RALGPS2: variants seen among roughly 807,000 people sequenced by gnomAD.
The protein encoded by RALGPS2 is ras-specific guanine nucleotide-releasing factor RalGPS2.
RALGPS2 carries 43 observed loss-of-function variants against 86.8 expected under a neutral mutation model. The ratio of observed to expected loss-of-function variants is 0.50; its 90% CI spans 0.39 to 0.64. The LOEUF is 0.64. Among genes scored for constraint, RALGPS2 ranks in the 30% least tolerant of loss-of-function variants. The pLI, the probability that RALGPS2 is intolerant of heterozygous loss-of-function variation, is 0.00. For synonymous variants in RALGPS2, 243 were observed against 231.3 expected (o/e 1.05, Z -0.46); for missense variants, 536 against 694.6 (o/e 0.77, Z 2.57).
At chr1:178,878,299 T>TA (rs1196726357) in intron 9 of RALGPS2, among the ~76,000 whole-genome samples, 1 of 152,158 alleles carries the variant, frequency 6.6e-6, no homozygotes, top group African/African-American at 2.4e-5. Flanking sequence ...TTTTATGGGT[T>TA]AAAAAACTGA....
chr1:178,879,966 G>A (rs1659171101), intron 10 of RALGPS2, among the ~76,000 whole-genome samples: 1 of 151,700 alleles, frequency 6.6e-6, no homozygotes, highest in South Asian at 2.1e-4. Flanking sequence ...TTTTTTTAAG[G>A]TAGGAGGATA....
intron 2 of RALGPS2, among the ~76,000 whole-genome samples, chr1:178,780,332 C>T (rs969568461): frequency 6.6e-6 from 1 of 152,102 alleles, no homozygotes; most frequent in South Asian, 2.1e-4. Flanking sequence ...TACTGTACTA[C>T]CATGTTAGTT....
At chr1:178,807,826 A>C (rs527717794) in intron 4 of RALGPS2, among the ~76,000 whole-genome samples, 1 of 152,296 alleles carries the variant, frequency 6.6e-6, no homozygotes, top group East Asian at 1.9e-4. Context: ...TGTGGAATGT[A>C]AATTTGCCTA....
chr1:178,901,159 C>G (rs747523265), intron 17 of RALGPS2, among the ~76,000 whole-genome samples: 4 of 151,844 alleles, frequency 2.6e-5, no homozygotes, highest in Non-Finnish European at 4.4e-5. Context: ...ATCATACATA[C>G]AAAAGAAGAT....
intron 8 of RALGPS2, among the ~76,000 whole-genome samples, chr1:178,858,731 G>A (rs892448325): frequency 1.3e-5 from 2 of 152,066 alleles, no homozygotes; most frequent in African/African-American, 4.8e-5. Flanking sequence ...TTCCCAAGGT[G>A]TATTTATTAA....
chr1:178,810,380 C>G (rs546496227), intron 5 of RALGPS2, among the ~76,000 whole-genome samples: 12 of 152,250 alleles, frequency 7.9e-5, no homozygotes, highest in African/African-American at 2.9e-4. Flanking sequence ...GAACAAGACT[C>G]TGTCTCCAAA....
At chr1:178,746,682 A>G (rs1651347775) in intron 1 of RALGPS2, 1 of 772,856 alleles carries the variant, frequency 1.3e-6, no homozygotes. Flanking sequence ...AGTCATGAAT[A>G]TTAGGTATCT....
intron 1 of RALGPS2, among the ~76,000 whole-genome samples, chr1:178,751,244 G>T (rs952028809): frequency 6.6e-6 from 1 of 151,646 alleles, no homozygotes; most frequent in South Asian, 2.1e-4. Context: ...GCATTTCCTC[G>T]TGCCAGGATT....
At chr1:178,867,760 C>T (rs1047081614) in intron 8 of RALGPS2, among the ~76,000 whole-genome samples, 1 of 151,624 alleles carries the variant, frequency 6.6e-6, no homozygotes, top group Admixed American at 6.6e-5. Flanking sequence ...AATTTCTTTC[C>T]TTCTGTATGT....
In RALGPS2 at chr1:178,897,811, T is replaced by C. The variant is rs1660013410; in HGVS notation, c.1524+55T>C. ...TGGTTTCCCAGACTGTTCATGGTTATAAAGAAAGCAGTCCTAATGGGATAC... is the reference window on the plus strand; with the variant it reads ...TGGTTTCCCAGACTGTTCATGGTTACAAAGAAAGCAGTCCTAATGGGATAC... On this transcript the variant is annotated intron_variant, in intron 17 of 19. Transcript: ENST00000367635. The C allele has an allele frequency of 2.0e-6, 3 of 1,496,704 alleles. No homozygotes were observed. In the African/African-American group the frequency reaches 4.2e-5, roughly 21 times the overall value. 92.7% of individuals were successfully genotyped at this position (1,496,704 alleles called of 1,614,324 possible).
In RALGPS2 at chr1:178,921,605, C is replaced by A. The variant is rs1647324637; in HGVS notation, c.*5246C>A. The A allele has an allele frequency of 6.6e-6, 1 of 151,990 alleles. No individual in the cohort carries two copies. The highest frequency in any genetic ancestry group is 6.6e-5 in the Admixed American group (1 of 15,250). The allele number at this position is 151,990 out of a possible 1,614,324, so 9.4% of individuals were successfully genotyped here. On this transcript the variant is annotated 3_prime_UTR_variant, in exon 20 of 20. Transcript: ENST00000367635. ...CCAGTGATGATAATATATCTGAAAA[C>A]ACAAGCCATTTTTATTCTTTATCCC...
chr1:178,908,835 T>C (rs1660493735), intron 19 of RALGPS2, among the ~76,000 whole-genome samples: 1 of 152,154 alleles, frequency 6.6e-6, no homozygotes, highest in Non-Finnish European at 1.5e-5. Flanking sequence ...AGTTTGAAAA[T>C]ATTTTCTCCC....
intron 2 of RALGPS2, among the ~76,000 whole-genome samples, chr1:178,779,331 T>C (rs1653265188): frequency 6.6e-6 from 1 of 152,224 alleles, no homozygotes; most frequent in Non-Finnish European, 1.5e-5. Flanking sequence ...TTAATAACTT[T>C]AGCATCTGGC....
At chr1:178,868,685 C>T (rs963138236) in intron 8 of RALGPS2, among the ~76,000 whole-genome samples, 1 of 151,874 alleles carries the variant, frequency 6.6e-6, no homozygotes, top group African/African-American at 2.4e-5. Context: ...AAACAGCTTC[C>T]TTGTGTGTAT....
chr1:178,911,703 G>C (rs149434053), intron 19 of RALGPS2, among the ~76,000 whole-genome samples: 7 of 152,324 alleles, frequency 4.6e-5, no homozygotes, highest in Admixed American at 4.6e-4. Flanking sequence ...GTTGAATGAA[G>C]TATTCTGTAG....
intron 8 of RALGPS2, chr1:178,870,996 A>G (rs1170970597): frequency 1.3e-5 from 2 of 152,224 alleles, no homozygotes; most frequent in African/African-American, 2.4e-5. Flanking sequence ...AATCCAGCAG[A>G]GAAAGCGTTG....
intron 8 of RALGPS2, chr1:178,853,460 G>A (rs1657314816): frequency 1.2e-6 from 1 of 816,242 alleles, no homozygotes; most frequent in Non-Finnish European, 1.7e-6. Flanking sequence ...TTTTTTGACA[G>A]ATGTAGATAA....
At chr1:178,746,976 T>TTTCCATCG in intron 1 of RALGPS2, 1 of 973,474 alleles carries the variant, frequency 1.0e-6, no homozygotes, top group African/African-American at 1.6e-5. Flanking sequence ...TAGAAAGTTC[T>TTTCCATCG]TTCCATCGTT....
intron 8 of RALGPS2, among the ~76,000 whole-genome samples, chr1:178,844,808 C>G (rs1656787152): frequency 6.6e-6 from 1 of 152,122 alleles, no homozygotes; most frequent in Admixed American, 6.5e-5. Context: ...TATGAAACAT[C>G]ATAAATATTC....
Sources: gnomAD v4.1 joint callset for allele counts (sites outside exome capture counted in the v4.1 genomes callset) on GRCh38, gnomAD v4.1.1 for gene constraint, MANE v1.5 for transcripts, NCBI Gene and HGNC (gene_info 2026-07-23, HGNC 2026-07-21) for gene names.